Variants in ATP8B4 observed in about 807,000 individuals in gnomAD.
ATP8B4 encodes the protein probable phospholipid-transporting ATPase IM.
Under a neutral mutation model 145.6 loss-of-function variants are expected in ATP8B4, and 133 were observed. The ratio of observed to expected loss-of-function variants is 0.91; its 90% CI spans 0.79 to 1.05. The LOEUF is 1.05. Among genes scored for constraint, ATP8B4 ranks in the 50% least tolerant of loss-of-function variants. The pLI is 0.00. For missense variants in ATP8B4, 1,458 were observed against 1,425.2 expected (o/e 1.02, Z -0.37); for synonymous variants, 507 against 492.9 (o/e 1.03, Z -0.38).
At chr15:49,949,910 G>A (rs754378920) in intron 14 of ATP8B4, among the ~76,000 whole-genome samples, 30 of 152,108 alleles carry the variant, frequency 2.0e-4, no homozygotes, top group Non-Finnish European at 3.2e-4. Flanking sequence ...TGCATCTATT[G>A]AGAAAATCAT....
At chr15:49,976,136 C>G (rs1383262899) in intron 12 of ATP8B4, among the ~76,000 whole-genome samples, 3 of 151,956 alleles carry the variant, frequency 2.0e-5, no homozygotes, top group Non-Finnish European at 4.4e-5. Flanking sequence ...TTTTTTTCTC[C>G]CTGAAATTAC....
chr15:50,101,307 G>A (rs1288941403), intron 2 of ATP8B4, among the ~76,000 whole-genome samples: 2 of 152,106 alleles, frequency 1.3e-5, no homozygotes, highest in Non-Finnish European at 2.9e-5. Flanking sequence ...TTTGGGGTAA[G>A]TGTCATGATG....
Position 49,866,355 on chromosome 15 carries a change from G to C in ATP8B4, c.3157C>G (p.Pro1053Ala). The C allele has an allele frequency of 6.2e-7, 1 of 1,613,810 alleles. No homozygotes were observed. Among genetic ancestry groups the C allele is most frequent in the Non-Finnish European group, 8.5e-7 (1 of 1,179,786 alleles). ...GIFGIFPNQF[P>A]FVGNARHSLT... The stretch of plus-strand genomic sequence containing the variant: ...AACATGACTCACTTACCAACAAATG[G>C]AAACTGGTTTGGGAAGATGCCAAAG... The change falls in exon 26 of 28, where the codon CCA (proline) becomes GCA (alanine). Residue 1053 changes from proline to alanine, a missense_variant. Coordinates refer to ENST00000284509, the MANE Select transcript of ATP8B4 (RefSeq NM_024837.4).
At chr15:50,083,304 C>A (rs1483104705) in intron 2 of ATP8B4, among the ~76,000 whole-genome samples, 2 of 152,044 alleles carry the variant, frequency 1.3e-5, no homozygotes, top group East Asian at 3.9e-4. Flanking sequence ...TGTGCCTGTT[C>A]TAATCTGTTC....
At chr15:49,907,854 G>A (rs1425983694) in intron 20 of ATP8B4, among the ~76,000 whole-genome samples, 2 of 152,114 alleles carry the variant, frequency 1.3e-5, no homozygotes, top group African/African-American at 4.8e-5. Flanking sequence ...CTAATCTGGT[G>A]TCTGACCATT....
At chr15:50,110,642 T>A (rs1233395921) in intron 1 of ATP8B4, among the ~76,000 whole-genome samples, 2 of 152,208 alleles carry the variant, frequency 1.3e-5, no homozygotes, top group African/African-American at 4.8e-5. Context: ...GAATAAGTTC[T>A]CCCTCTTAAA....
intron 27 of ATP8B4, among the ~76,000 whole-genome samples, chr15:49,860,973 A>G (rs1169644702): frequency 1.3e-5 from 2 of 152,058 alleles, no homozygotes; most frequent in Admixed American, 1.3e-4. Flanking sequence ...TTGATTTCTT[A>G]GGTTTGTATG....
upstream of ATP8B4, chr15:50,119,491 T>G (rs556279660): frequency 6.6e-6 from 1 of 152,386 alleles, no homozygotes; most frequent in East Asian, 1.9e-4. Flanking sequence ...CTCCCCTAGT[T>G]GCCTGCTCCT....
At chr15:49,893,388 T>G (rs1238475001) in intron 23 of ATP8B4, among the ~76,000 whole-genome samples, 1 of 151,970 alleles carries the variant, frequency 6.6e-6, no homozygotes, top group Admixed American at 6.6e-5. Flanking sequence ...GACTAAGAGG[T>G]GGAAACAACC....
At chr15:50,155,878 T>C (rs1389621461) in intron 1 of ATP8B4, among the ~76,000 whole-genome samples, 3 of 151,660 alleles carry the variant, frequency 2.0e-5, no homozygotes, top group Non-Finnish European at 4.4e-5. Flanking sequence ...TTTGCCCCAA[T>C]AGGTCATCTA....
At position 50,102,963 on chromosome 15, in the gene ATP8B4, C is replaced by T. The variant is rs576375657; in HGVS notation, c.28+3976G>A. On this transcript the variant is annotated intron_variant, in intron 2 of 27. Transcript: ENST00000284509. ...CATACACAAGTCAATAAATGTGATA[C>T]ACCACATAAAGAGAATTAAAAACAA... Among the ~76,000 whole-genome samples, 344 of 152,210 alleles carry T rather than the reference C, an allele frequency of 2.3e-3. 1 individual carries two copies. Among genetic ancestry groups the T allele is most frequent in the Non-Finnish European group, 3.4e-3 (232 of 67,978 alleles).
intron 1 of ATP8B4, among the ~76,000 whole-genome samples, chr15:50,175,598 T>C (rs2044750392): frequency 6.6e-6 from 1 of 152,184 alleles, no homozygotes; most frequent in African/African-American, 2.4e-5. Context: ...TATTAAAAAA[T>C]GCTCAACATC....
At chr15:50,086,007 A>ATCAT (rs2054990246) in intron 2 of ATP8B4, among the ~76,000 whole-genome samples, 1 of 68,384 alleles carries the variant, frequency 1.5e-5, no homozygotes, top group East Asian at 4.3e-4. Context: ...TATTATATAT[A>ATCAT]ATATATATAG....
chr15:50,179,961 C>T (rs1470445661), intron 1 of ATP8B4, among the ~76,000 whole-genome samples: 2 of 152,206 alleles, frequency 1.3e-5, no homozygotes, highest in African/African-American at 2.4e-5. Flanking sequence ...CACTGGGACT[C>T]CCAAGGTATA....
chr15:50,065,146 T>C (rs1008978365), intron 3 of ATP8B4, among the ~76,000 whole-genome samples: 10 of 152,182 alleles, frequency 6.6e-5, no homozygotes, highest in African/African-American at 2.4e-4. Context: ...AAGGCATATG[T>C]AAATCAGGTC....
chr15:49,931,269 C>A lies in ATP8B4; in HGVS notation c.1492G>T (p.Ala498Ser), dbSNP rs770589258. Residue 498 changes from alanine (A) to serine (S), a missense_variant, in exon 16 of 28, where the codon GCT (alanine) becomes TCT (serine). Transcript: ENST00000284509. ...AAATTTCTAGCGGCAGTCACTAGAG[C>A]CCCTTCATCAGGTGACTGAACTTGG... Reference protein sequence around the residue: ...IYQVQSPDEGALVTAARNFGF... With the variant: ...IYQVQSPDEGSLVTAARNFGF... The A allele has an allele frequency of 3.7e-6, 6 of 1,612,602 alleles. No individual in the cohort carries two copies. In the South Asian group the frequency reaches 6.6e-5, roughly 18 times the overall value.
chr15:49,913,606 T>C (rs553059159), intron 20 of ATP8B4, among the ~76,000 whole-genome samples: 31 of 152,264 alleles, frequency 2.0e-4, no homozygotes, highest in Non-Finnish European at 4.3e-4. Flanking sequence ...AACATGATCT[T>C]ACATTCAGAA....
Position 49,890,884 on chromosome 15 carries a change from GA to G in ATP8B4, c.2697+6407del, listed in dbSNP as rs555260360. Among the ~76,000 whole-genome samples, 26 of 152,294 alleles carry G rather than the reference GA, an allele frequency of 1.7e-4. No homozygotes were observed. In the South Asian group the frequency reaches 5.4e-3, roughly 32 times the overall value. ...CACTCCCATGTGGGGTGTGGCTGGG[GA>G]ACACCAGAGTTTCCAGCTTTACAGT... On this transcript the variant is annotated intron_variant, in intron 23 of 27. Coordinates refer to ENST00000284509, the MANE Select transcript of ATP8B4 (RefSeq NM_024837.4).
rs985186340 is a variant in ATP8B4 at position 49,858,870 on chromosome 15, T to A, written c.*1324A>T. Reference sequence around the variant, plus strand: ...GTTGAGTTAACTGGAACTTAACTCATCTGTTTATGAAATAATTATGTTTTT... The same window carrying A: ...GTTGAGTTAACTGGAACTTAACTCAACTGTTTATGAAATAATTATGTTTTT... On this transcript the variant is annotated 3_prime_UTR_variant, in exon 28 of 28. Transcript: ENST00000284509. The A allele has an allele frequency of 9.2e-5, 14 of 152,226 alleles. No homozygotes were observed. Among genetic ancestry groups the A allele is most frequent in the Admixed American group, 4.6e-4 (7 of 15,274 alleles). 9.4% of individuals were successfully genotyped at this position (152,226 alleles called of 1,614,324 possible). A position where few individuals can be genotyped will look rare whatever the true frequency, so the allele number is the denominator to read the frequency against.
Sources: allele counts gnomAD v4.1 joint callset (sites outside exome capture counted in the v4.1 genomes callset), GRCh38; gene constraint gnomAD v4.1.1; transcripts MANE v1.5; gene names NCBI Gene and HGNC (gene_info 2026-07-23, HGNC 2026-07-21).